The following MAP3K12 variants were observed in gnomAD, a reference collection of about 807,000 sequenced individuals.
MAP3K12 encodes mitogen-activated protein kinase kinase kinase 12.
Under a neutral mutation model 87.5 loss-of-function variants are expected in MAP3K12, and 14 were observed. That is an observed-to-expected ratio of 0.16 (90% confidence interval 0.11 to 0.25). The LOEUF (loss-of-function observed/expected upper bound fraction) is 0.25. MAP3K12 is among the 10% of genes least tolerant of loss of function. The pLI, the probability that MAP3K12 is intolerant of heterozygous loss-of-function variation, is 1.00. For missense variants in MAP3K12, 802 were observed against 1,140.4 expected (o/e 0.70, Z 4.27); for synonymous variants, 469 against 452.5 (o/e 1.04, Z -0.46).
chr12:53,495,181 T>C (rs1441819454), intron 1 of MAP3K12, among the ~76,000 whole-genome samples: 1 of 150,514 alleles, frequency 6.6e-6, no homozygotes, highest in Non-Finnish European at 1.5e-5. Context: ...CTACTAAAAA[T>C]ACAAAAAATT....
At chr12:53,495,521 AAC>A (rs1943529369) in intron 1 of MAP3K12, among the ~76,000 whole-genome samples, 1 of 133,464 alleles carries the variant, frequency 7.5e-6, no homozygotes. Flanking sequence ...TAGCCTGGGC[AAC>A]AGAGCGAGAC....
Position 53,483,360 on chromosome 12 carries a change from G to A in MAP3K12, c.1602C>T (p.Pro534=), listed in dbSNP as rs1254669988. 6.2e-7 allele frequency: 1 copy of A among 1,613,906 alleles called. No individual in the cohort carries two copies. The highest frequency in any genetic ancestry group is 8.5e-7 in the Non-Finnish European group (1 of 1,179,962). Reference sequence around the variant, plus strand: ...TACTCATGTCCCACCTTTTGCTATGGGGTGACAGCTTCTGTGGCACATTCC... The same window carrying A: ...TACTCATGTCCCACCTTTTGCTATGAGGTGACAGCTTCTGTGGCACATTCC... ...KKRNVPQKLS[P]HSKRPDILKT... Residue 534 remains proline (P), a synonymous_variant, in exon 10 of 14, where the codon CCC becomes CCT. Coordinates refer to ENST00000547488, the MANE Select transcript of MAP3K12 (RefSeq NM_001193511.2).
chr12:53,486,317 C>T lies in MAP3K12; in HGVS notation c.630-70G>A. ...TCACCTGATTCATACCTGGAACCCC[C>T]ATTCCCACCCATTCCACCTATGGAT... is the stretch of plus-strand genomic sequence containing the variant. On this transcript the variant is annotated intron_variant, in intron 3 of 13. Transcript: ENST00000547488. This position sits in a 1 kb window ranked among gnomAD's most constrained non-coding sequence, Gnocchi z 4.9. The T allele has an allele frequency of 1.9e-6, 3 of 1,548,508 alleles. No individual in the cohort carries two copies. Among genetic ancestry groups the T allele is most frequent in the Non-Finnish European group, 2.6e-6 (3 of 1,142,800 alleles).
At position 53,487,338 on chromosome 12, in the gene MAP3K12, C is replaced by T; in HGVS notation, c.54G>A (p.Val18=). 6.2e-7 allele frequency: 1 copy of T among 1,613,904 alleles called. No homozygotes were observed. The highest frequency in any genetic ancestry group is 8.5e-7 in the Non-Finnish European group (1 of 1,179,910). Residue 18 remains valine (V), a synonymous_variant, in exon 2 of 14, where the codon GTG becomes GTA. Transcript: ENST00000547488. ...GCATGGATGCCTCACTTAGGGTAGA[C>T]ACAAAGCCCCCAAAGGAAGGAGAGG... ...RTPSPSFGGF[V]STLSEASMRK...
chr12:53,483,340 A>G lies in MAP3K12; in HGVS notation c.1613+9T>C. On this transcript the variant is annotated intron_variant, in intron 10 of 13. Transcript: ENST00000547488. Reference sequence around the variant, plus strand: ...TTGCCATATTGGAACCACAGTACTCATGTCCCACCTTTTGCTATGGGGTGA... The same window carrying G: ...TTGCCATATTGGAACCACAGTACTCGTGTCCCACCTTTTGCTATGGGGTGA... The G allele has an allele frequency of 6.2e-7, 1 of 1,613,410 alleles. No homozygotes were observed. Among genetic ancestry groups the G allele is most frequent in the Non-Finnish European group, 8.5e-7 (1 of 1,179,620 alleles).
At chr12:53,500,997 C>T (rs1565896694), upstream of MAP3K12, 1 of 205,366 alleles carries the variant, frequency 4.9e-6, no homozygotes, top group Non-Finnish European at 1.0e-5. Flanking sequence ...AGGCTCCGTG[C>T]CCAAGTGAGT....
chr12:53,486,021 C>T lies in MAP3K12; in HGVS notation c.821+35G>A. The T allele has an allele frequency of 6.4e-7, 1 of 1,567,808 alleles. No individual in the cohort carries two copies. The highest frequency in any genetic ancestry group is 8.7e-7 in the Non-Finnish European group (1 of 1,153,142). On this transcript the variant is annotated intron_variant, in intron 4 of 13. Coordinates refer to ENST00000547488, the MANE Select transcript of MAP3K12 (RefSeq NM_001193511.2). This position sits in a 1 kb window ranked among gnomAD's most constrained non-coding sequence, Gnocchi z 4.9. ...CACACTGACTTGAGTGGGTCACCTG[C>T]ATGCACATCTGTTGCTCCCTGCTTG...
At chr12:53,491,535 A>G (rs1368165917) in intron 1 of MAP3K12, among the ~76,000 whole-genome samples, 1 of 148,256 alleles carries the variant, frequency 6.7e-6, no homozygotes, top group Admixed American at 6.7e-5. Flanking sequence ...CCGGGTTCAC[A>G]CCATTCTCCT....
chr12:53,481,160 G>A lies in MAP3K12; in HGVS notation c.*22C>T. ...ATAATTTATATAAATATTTCTCTAT[G>A]TACAAGGAATACGAGTGGCTTTCAT... On this transcript the variant is annotated 3_prime_UTR_variant, in exon 14 of 14. Coordinates refer to ENST00000547488, the MANE Select transcript of MAP3K12 (RefSeq NM_001193511.2). The A allele has an allele frequency of 7.8e-7, 1 of 1,280,018 alleles. No homozygotes were observed. Among genetic ancestry groups the A allele is most frequent in the Non-Finnish European group, 1.0e-6 (1 of 964,054 alleles). 79.3% of individuals were successfully genotyped at this position (1,280,018 alleles called of 1,614,324 possible). A position where few individuals can be genotyped will look rare whatever the true frequency, so the allele number is the denominator to read the frequency against.
chr12:53,489,169 C>T (rs962721098), intron 1 of MAP3K12, among the ~76,000 whole-genome samples: 1 of 147,940 alleles, frequency 6.8e-6, no homozygotes, highest in Non-Finnish European at 1.5e-5. Context: ...AACAAACAAA[C>T]AAAAAACAAC....
chr12:53,494,077 C>G (rs1051249275), intron 1 of MAP3K12, among the ~76,000 whole-genome samples: 9 of 152,118 alleles, frequency 5.9e-5, no homozygotes, highest in African/African-American at 2.2e-4. Context: ...TTTTTGTTTC[C>G]TTTATTTCTG....
Position 53,497,359 on chromosome 12 carries a change from T to C in MAP3K12, c.-38+2068A>G, listed in dbSNP as rs140531089. 1.4e-3 allele frequency among the ~76,000 whole-genome samples: 220 copies of C among 152,134 alleles called. 1 individual carries two copies. Among genetic ancestry groups the C allele is most frequent in the African/African-American group, 5.2e-3 (214 of 41,500 alleles). ...AAAGCAAGTGCCAGTAGGGAGGGTA[T>C]GGGTGGAAAGGGAGGTGGAGAAACA... is the stretch of plus-strand genomic sequence containing the variant. On this transcript the variant is annotated intron_variant, in intron 1 of 13. Transcript: ENST00000547488.
rs1943496075 is a variant in MAP3K12 at position 53,494,465 on chromosome 12, TG to T, written c.-38+4961del. Among the ~76,000 whole-genome samples the T allele has an allele frequency of 2.0e-5, 3 of 152,120 alleles. No individual in the cohort carries two copies. The South Asian group carries it at 6.2e-4, about 31-fold the overall frequency. ...TCCATAAGGAGGCTACAGGGTAGAG[TG>T]GGGTAGGAAGTCACCCCCCATCTAT... On this transcript the variant is annotated intron_variant, in intron 1 of 13. Transcript: ENST00000547488.
chr12:53,480,166 A>G lies in MAP3K12; in HGVS notation c.*1016T>C, dbSNP rs1179210906. ...TGGCATACACATTAAGCAGTTGATC[A>G]TATGTCTGACTGGGTTCCAGTTTCT... On this transcript the variant is annotated 3_prime_UTR_variant, in exon 14 of 14. Coordinates refer to ENST00000547488, the MANE Select transcript of MAP3K12 (RefSeq NM_001193511.2). The G allele has an allele frequency of 6.6e-6, 1 of 152,206 alleles. No homozygotes were observed. The highest frequency in any genetic ancestry group is 1.5e-5 in the Non-Finnish European group (1 of 68,036). 9.4% of individuals were successfully genotyped at this position (152,206 alleles called of 1,614,324 possible).
rs1222364918 is a variant in MAP3K12 at position 53,486,279 on chromosome 12, G to A, written c.630-32C>T. ...GCCAAACAATGGTATGAAGGCCTCA[G>A]CTGGCTCAGCATTCACCTGATTCAT... On this transcript the variant is annotated intron_variant, in intron 3 of 13. Coordinates refer to ENST00000547488, the MANE Select transcript of MAP3K12 (RefSeq NM_001193511.2). This position sits in a 1 kb window ranked among gnomAD's most constrained non-coding sequence, Gnocchi z 4.9. The A allele has an allele frequency of 6.4e-7, 1 of 1,572,204 alleles. No homozygotes were observed. Among genetic ancestry groups the A allele is most frequent in the South Asian group, 1.2e-5 (1 of 84,590 alleles).
In MAP3K12 at chr12:53,481,123, A is replaced by G. The variant is rs999862149; in HGVS notation, c.*59T>C. On this transcript the variant is annotated 3_prime_UTR_variant, in exon 14 of 14. Coordinates refer to ENST00000547488, the MANE Select transcript of MAP3K12 (RefSeq NM_001193511.2). Reference sequence around the variant, plus strand: ...TTATGTGGCGCATATATATATATATATGTATATATATATAATTTATATAAA... The same window carrying G: ...TTATGTGGCGCATATATATATATATGTGTATATATATATAATTTATATAAA... 5 of 610,170 alleles carry G rather than the reference A, an allele frequency of 8.2e-6. No individual in the cohort carries two copies. Among genetic ancestry groups the G allele is most frequent in the African/African-American group, 4.0e-5 (2 of 50,114 alleles). 37.8% of individuals were successfully genotyped at this position (610,170 alleles called of 1,614,324 possible).
chr12:53,486,370 C>T lies in MAP3K12; in HGVS notation c.629+69G>A. The T allele has an allele frequency of 1.3e-6, 2 of 1,580,370 alleles. No homozygotes were observed. Among genetic ancestry groups the T allele is most frequent in the East Asian group, 2.2e-5 (1 of 44,624 alleles). ...CCTCTGGGGAAGGATGGGGTAGGTC[C>T]CACTGCCCAGGAGGGTACCAGGCCT... On this transcript the variant is annotated intron_variant, in intron 3 of 13. Transcript: ENST00000547488. This position sits in a 1 kb window ranked among gnomAD's most constrained non-coding sequence, Gnocchi z 4.9.
chr12:53,485,521 C>A (rs749876787), intron 4 of MAP3K12, 46 bp from the exon 5 acceptor site: 1 of 1,573,578 alleles, frequency 6.4e-7, no homozygotes, highest in Admixed American at 1.8e-5. Context: ...CTCCACACAC[C>A]TCATCTAACT....
chr12:53,487,664 G>A, intron 1 of MAP3K12: 1 of 442,102 alleles, frequency 2.3e-6, no homozygotes, highest in Non-Finnish European at 4.0e-6. Context: ...AGGTAGACAG[G>A]TATCGTACCT....
Sources: gnomAD v4.1 joint callset for allele counts (sites outside exome capture counted in the v4.1 genomes callset) on GRCh38, gnomAD v4.1.1 for gene constraint, Gnocchi (gnomAD v3.1) non-coding constraint, MANE v1.5 for transcripts, NCBI Gene and HGNC (gene_info 2026-07-23, HGNC 2026-07-21) for gene names.